NUP93: variants seen among roughly 807,000 people sequenced by gnomAD.
NUP93 encodes the protein nucleoporin 93, also known as nuclear pore complex protein Nup93.
Under a neutral mutation model 107.8 loss-of-function variants are expected in NUP93, and 55 were observed. The ratio of observed to expected loss-of-function variants is 0.51; its 90% CI spans 0.41 to 0.64. The LOEUF (loss-of-function observed/expected upper bound fraction) is 0.64. Among genes scored for constraint, NUP93 ranks in the 30% least tolerant of loss-of-function variants. The probability of loss-of-function intolerance (pLI) is 0.00; values close to 1 mark genes in which losing one functional copy is unlikely to be tolerated. For synonymous variants in NUP93, 390 were observed against 397.5 expected, an observed-to-expected ratio of 0.98 and a Z score of 0.22; for missense variants, 937 against 1,044.7, an observed-to-expected ratio of 0.90 and a Z score of 1.42.
intron 20 of NUP93, chr16:56,839,814 A>C (rs1247462670): frequency 2.4e-5 from 13 of 534,540 alleles, no homozygotes; most frequent in African/African-American, 2.1e-4. Context: ...TTCCTAATTG[A>C]GAAAATACAG....
At chr16:56,796,805 C>T (rs1164261163) in intron 3 of NUP93, among the ~76,000 whole-genome samples, 2 of 152,032 alleles carry the variant, frequency 1.3e-5, no homozygotes, top group East Asian at 3.9e-4. Flanking sequence ...GGTGAAACCC[C>T]ATCTCTACTA....
At chr16:56,749,319 C>T (rs1335901778) in intron 2 of NUP93, among the ~76,000 whole-genome samples, 1 of 152,180 alleles carries the variant, frequency 6.6e-6, no homozygotes, top group African/African-American at 2.4e-5. Flanking sequence ...CTACAATCTC[C>T]ACATTAGAGT....
At chr16:56,758,095 G>A (rs1240171255) in intron 2 of NUP93, among the ~76,000 whole-genome samples, 1 of 151,754 alleles carries the variant, frequency 6.6e-6, no homozygotes, top group Non-Finnish European at 1.5e-5. Context: ...GTTGGGGGGA[G>A]CTTGTGCCAC....
At chr16:56,761,732 T>C (rs539876973) in intron 3 of NUP93, among the ~76,000 whole-genome samples, 31 of 152,246 alleles carry the variant, frequency 2.0e-4, no homozygotes, top group Non-Finnish European at 3.1e-4. Flanking sequence ...GCATTACTTA[T>C]AAGCTTAAAG....
intron 17 of NUP93, among the ~76,000 whole-genome samples, chr16:56,837,167 C>A (rs116459257): frequency 6.6e-6 from 1 of 152,128 alleles, no homozygotes; most frequent in Non-Finnish European, 1.5e-5. Flanking sequence ...ATGTTTCTAC[C>A]GAAGAACAAA....
At chr16:56,778,947 GAGA>G (rs772428194) in intron 3 of NUP93, among the ~76,000 whole-genome samples, 36 of 152,312 alleles carry the variant, frequency 2.4e-4, no homozygotes, top group Non-Finnish European at 4.3e-4. Flanking sequence ...TCTCAGTGAG[GAGA>G]AGAAGCCAGG....
At chr16:56,807,776 A>G (rs1012568950) in intron 5 of NUP93, among the ~76,000 whole-genome samples, 2 of 151,954 alleles carry the variant, frequency 1.3e-5, no homozygotes, top group Non-Finnish European at 2.9e-5. Context: ...TAATCCCAGC[A>G]TGTTGGGAGG....
chr16:56,806,526 C>T (rs536501152), intron 5 of NUP93, among the ~76,000 whole-genome samples: 3 of 152,022 alleles, frequency 2.0e-5, no homozygotes, highest in South Asian at 2.1e-4. Context: ...GGGTATTGGC[C>T]GAGGCTGCAC....
intron 3 of NUP93, among the ~76,000 whole-genome samples, chr16:56,779,160 G>C (rs1229147847): frequency 1.3e-5 from 2 of 152,200 alleles, no homozygotes; most frequent in Admixed American, 6.5e-5. Context: ...ACAGAGCAGA[G>C]CCCACCAAGT....
chr16:56,803,897 A>G (rs1289238805), intron 4 of NUP93, among the ~76,000 whole-genome samples: 1 of 152,086 alleles, frequency 6.6e-6, no homozygotes, highest in East Asian at 1.9e-4. Flanking sequence ...GATTACAGGC[A>G]CACACCACCA....
intron 3 of NUP93, among the ~76,000 whole-genome samples, chr16:56,763,002 G>A (rs989488326): frequency 3.3e-5 from 5 of 152,078 alleles, no homozygotes; most frequent in Non-Finnish European, 7.4e-5. Context: ...ATTTGCAAAG[G>A]CCCTATTTCC....
At chr16:56,790,433 C>T (rs1043493638) in intron 3 of NUP93, among the ~76,000 whole-genome samples, 3 of 152,190 alleles carry the variant, frequency 2.0e-5, no homozygotes, top group South Asian at 4.1e-4. Flanking sequence ...GAGGCGCTCT[C>T]CGTGTAGGCA....
At chr16:56,817,265 C>T (rs1963452518) in intron 5 of NUP93, among the ~76,000 whole-genome samples, 1 of 152,080 alleles carries the variant, frequency 6.6e-6, no homozygotes, top group African/African-American at 2.4e-5. Context: ...CTCCTGGAAC[C>T]CAGGCATCCT....
chr16:56,770,317 A>AG (rs1962296134), intron 3 of NUP93, among the ~76,000 whole-genome samples: 1 of 152,208 alleles, frequency 6.6e-6, no homozygotes, highest in Admixed American at 6.5e-5. Context: ...CCAGGGGCTT[A>AG]GGAGTGGTTG....
chr16:56,812,589 C>T (rs1445634448), intron 5 of NUP93, among the ~76,000 whole-genome samples: 9 of 152,034 alleles, frequency 5.9e-5, no homozygotes, highest in Admixed American at 2.0e-4. Flanking sequence ...GTGATCTGCC[C>T]GCCTCGGCCT....
At chr16:56,823,921 C>T (rs1399058362) in intron 8 of NUP93, 75 bp downstream of exon 8, 10 of 1,555,458 alleles carry the variant, frequency 6.4e-6, no homozygotes, top group African/African-American at 1.4e-5. Context: ...CTTAAGTTGT[C>T]CTCAGGCTAG....
chr16:56,774,593 A>G (rs918926556), intron 3 of NUP93, among the ~76,000 whole-genome samples: 9 of 152,364 alleles, frequency 5.9e-5, no homozygotes, highest in Middle Eastern at 3.4e-3. Context: ...TGAAAAATGT[A>G]TTAAAATGTG....
At chr16:56,835,811 T>C (rs1486021111) in intron 16 of NUP93, among the ~76,000 whole-genome samples, 1 of 152,062 alleles carries the variant, frequency 6.6e-6, no homozygotes, top group Non-Finnish European at 1.5e-5. Flanking sequence ...TGTTGAGTGG[T>C]GATGGTGATT....
intron 3 of NUP93, among the ~76,000 whole-genome samples, chr16:56,780,390 G>C (rs1243637720): frequency 2.0e-5 from 3 of 152,182 alleles, no homozygotes; most frequent in Non-Finnish European, 2.9e-5. Flanking sequence ...AGGAAATCAT[G>C]AGTTGATTTT....
Sources: allele counts gnomAD v4.1 joint callset (sites outside exome capture counted in the v4.1 genomes callset), GRCh38; gene constraint gnomAD v4.1.1; transcripts MANE v1.5; gene names NCBI Gene and HGNC (gene_info 2026-07-23, HGNC 2026-07-21).